CTIF: variants seen among roughly 807,000 people sequenced by gnomAD.
The protein encoded by CTIF is cap binding complex dependent translation initiation factor.
A neutral mutation model predicts 66.0 loss-of-function variants in CTIF; 21 were observed. That is an observed-to-expected ratio of 0.32 (90% CI 0.23 to 0.46). The LOEUF (loss-of-function observed/expected upper bound fraction) is 0.46. Among genes scored for constraint, CTIF ranks in the 20% least tolerant of loss-of-function variants. The probability of loss-of-function intolerance (pLI) is 1.00; values close to 1 mark genes in which losing one functional copy is unlikely to be tolerated. For missense variants in CTIF, 739 were observed against 812.7 expected (o/e 0.91, Z 1.10); for synonymous variants, 345 against 326.4 (o/e 1.06, Z -0.62).
At chr18:48,768,392 A>G (rs1046078888) in intron 9 of CTIF, among the ~76,000 whole-genome samples, 2 of 152,110 alleles carry the variant, frequency 1.3e-5, no homozygotes, top group African/African-American at 2.4e-5. Flanking sequence ...ATGGGTACCA[A>G]TGCTCTCTGG....
At chr18:48,821,734 C>T (rs2068487076) in intron 10 of CTIF, among the ~76,000 whole-genome samples, 2 of 152,248 alleles carry the variant, frequency 1.3e-5, no homozygotes, top group Admixed American at 1.3e-4. Context: ...TCTGTAGCTG[C>T]AGGAGTCTCC....
chr18:48,806,743 A>G (rs1303372361), intron 9 of CTIF, among the ~76,000 whole-genome samples: 1 of 152,066 alleles, frequency 6.6e-6, no homozygotes, highest in Non-Finnish European at 1.5e-5. Flanking sequence ...ACTGCGCTCC[A>G]CCATGCCAGA....
chr18:48,854,204 G>C (rs872360), intron 10 of CTIF, among the ~76,000 whole-genome samples: 1 of 151,980 alleles, frequency 6.6e-6, no homozygotes, highest in African/African-American at 2.4e-5. Context: ...AATGTGCATG[G>C]GGGGGAAAGC....
At chr18:48,807,661 A>G (rs1314381946) in intron 9 of CTIF, among the ~76,000 whole-genome samples, 2 of 151,032 alleles carry the variant, frequency 1.3e-5, no homozygotes, top group African/African-American at 2.4e-5. Flanking sequence ...GCTCACTGCA[A>G]CTTCCACCTC....
chr18:48,720,440 GC>G (rs2092324114), intron 7 of CTIF, among the ~76,000 whole-genome samples: 1 of 152,100 alleles, frequency 6.6e-6, no homozygotes, highest in African/African-American at 2.4e-5. Context: ...CCCAGGGACC[GC>G]GAGACAGATC....
chr18:48,576,319 C>T (rs546593113), intron 1 of CTIF, among the ~76,000 whole-genome samples: 1 of 152,248 alleles, frequency 6.6e-6, no homozygotes, highest in Non-Finnish European at 1.5e-5. Context: ...TCTGGCCTGG[C>T]CATTGTCATT....
chr18:48,619,110 C>T (rs1276744582), intron 1 of CTIF, among the ~76,000 whole-genome samples: 1 of 152,202 alleles, frequency 6.6e-6, no homozygotes, highest in Non-Finnish European at 1.5e-5. Context: ...GTTTGTGTCT[C>T]GGGCCCCATT....
At chr18:48,680,736 G>T (rs570559811) in intron 6 of CTIF, among the ~76,000 whole-genome samples, 1 of 152,368 alleles carries the variant, frequency 6.6e-6, no homozygotes, top group South Asian at 2.1e-4. Flanking sequence ...ATTGCTTGCC[G>T]GTCCAGCATC....
intron 3 of CTIF, among the ~76,000 whole-genome samples, chr18:48,660,387 G>A (rs983424251): frequency 2.0e-5 from 3 of 152,212 alleles, no homozygotes; most frequent in African/African-American, 7.2e-5. Flanking sequence ...ACATGGAGAT[G>A]GCAGCAGCTG....
intron 1 of CTIF, among the ~76,000 whole-genome samples, chr18:48,579,527 T>A (rs2089607598): frequency 6.6e-6 from 1 of 152,208 alleles, no homozygotes; most frequent in Non-Finnish European, 1.5e-5. Context: ...TTGCCTTTTG[T>A]TTTTCTTATA....
chr18:48,794,401 G>A (rs982796597), intron 9 of CTIF, among the ~76,000 whole-genome samples: 4 of 152,160 alleles, frequency 2.6e-5, no homozygotes, highest in South Asian at 2.1e-4. Flanking sequence ...TCTGCAACTC[G>A]AGAGCTAAGG....
intron 9 of CTIF, among the ~76,000 whole-genome samples, chr18:48,786,983 TG>T (rs1346789562): frequency 6.6e-6 from 1 of 152,140 alleles, no homozygotes; most frequent in East Asian, 1.9e-4. Context: ...CCACTCAGCC[TG>T]TGCCCTGCTG....
chr18:48,820,686 G>A (rs1271719996), intron 10 of CTIF, among the ~76,000 whole-genome samples: 1 of 152,058 alleles, frequency 6.6e-6, no homozygotes, highest in Non-Finnish European at 1.5e-5. Flanking sequence ...CCCACGCCAC[G>A]GCCTTTCCGC....
intron 10 of CTIF, among the ~76,000 whole-genome samples, chr18:48,849,002 C>T (rs1315504481): frequency 6.6e-6 from 1 of 152,294 alleles, no homozygotes; most frequent in Admixed American, 6.5e-5. Context: ...TTGCCTGCCC[C>T]AGCCCGCCCA....
Position 48,634,185 on chromosome 18 carries a change from G to A in CTIF, c.181-2429G>A, listed in dbSNP as rs1297961514. 3.9e-5 allele frequency among the ~76,000 whole-genome samples: 6 copies of A among 152,080 alleles called. 1 individual carries two copies. Among genetic ancestry groups the A allele is most frequent in the South Asian group, 4.1e-4 (2 of 4,826 alleles). Reference sequence around the variant, plus strand: ...CGTGATGTTTTCTCATGATTATGTCGAGAGGGTGCATTTTGTCAAGAATAC... The same window carrying A: ...CGTGATGTTTTCTCATGATTATGTCAAGAGGGTGCATTTTGTCAAGAATAC... On this transcript the variant is annotated intron_variant, in intron 2 of 11. Transcript: ENST00000256413.
At chr18:48,715,602 G>A (rs1049154366) in intron 7 of CTIF, among the ~76,000 whole-genome samples, 8 of 152,212 alleles carry the variant, frequency 5.3e-5, no homozygotes, top group African/African-American at 1.7e-4. Context: ...CACTGCCCAA[G>A]TTGACCCTGA....
At chr18:48,629,636 C>CAA (rs377481318) in intron 2 of CTIF, among the ~76,000 whole-genome samples, 10,519 of 134,788 alleles carry the variant, frequency 0.078, 424 homozygotes, top group South Asian at 0.15. Context: ...TTGTTTAGAG[C>CAA]AAAAAAAAAA....
intron 9 of CTIF, among the ~76,000 whole-genome samples, chr18:48,805,418 G>C (rs1220169420): frequency 6.6e-6 from 1 of 151,112 alleles, no homozygotes; most frequent in African/African-American, 2.4e-5. Flanking sequence ...GGACCAAGGA[G>C]GAAAGCCTGC....
At chr18:48,855,015 C>T (rs565010918) in intron 10 of CTIF, among the ~76,000 whole-genome samples, 2 of 152,152 alleles carry the variant, frequency 1.3e-5, no homozygotes, top group Non-Finnish European at 2.9e-5. Flanking sequence ...TCCACCGCCC[C>T]GGAGCTGCAT....
Sources: gnomAD v4.1 joint callset for allele counts (sites outside exome capture counted in the v4.1 genomes callset) on GRCh38, gnomAD v4.1.1 for gene constraint, MANE v1.5 for transcripts, NCBI Gene and HGNC (gene_info 2026-07-23, HGNC 2026-07-21) for gene names.